Variants in GRIK2 observed in about 807,000 individuals in gnomAD.
The protein encoded by GRIK2 is glutamate ionotropic receptor kainate type subunit 2.
In GRIK2, 32 loss-of-function variants were observed where a neutral mutation model predicts 100.3. That is an observed-to-expected ratio of 0.32 (90% CI 0.24 to 0.43). The LOEUF (loss-of-function observed/expected upper bound fraction) is 0.43, where lower values mean the gene tolerates loss of function less well. GRIK2 is among the 20% of genes least tolerant of loss of function. The pLI is 1.00. For missense variants in GRIK2, 843 were observed against 1,114.9 expected, an observed-to-expected ratio of 0.76 and a Z score of 3.47; for synonymous variants, 417 against 389.4, an observed-to-expected ratio of 1.07 and a Z score of -0.83.
At chr6:101,482,545 T>C (rs149673451) in intron 2 of GRIK2, among the ~76,000 whole-genome samples, 3 of 152,188 alleles carry the variant, frequency 2.0e-5, no homozygotes, top group South Asian at 2.1e-4. Context: ...GGATTGGAGA[T>C]AGGATGCAGC....
chr6:101,962,920 T>G (rs1792394556), intron 14 of GRIK2, among the ~76,000 whole-genome samples: 1 of 151,952 alleles, frequency 6.6e-6, no homozygotes, highest in Non-Finnish European at 1.5e-5. Flanking sequence ...TATCTTTATT[T>G]TTAACCTTCC....
intron 2 of GRIK2, among the ~76,000 whole-genome samples, chr6:101,554,671 A>G (rs1473394298): frequency 6.6e-6 from 1 of 152,086 alleles, no homozygotes; most frequent in Admixed American, 6.6e-5. Context: ...TTATGACACT[A>G]TTCTCCACTA....
At chr6:101,424,266 C>A (rs1000496816) in intron 2 of GRIK2, among the ~76,000 whole-genome samples, 1 of 151,412 alleles carries the variant, frequency 6.6e-6, no homozygotes, top group Non-Finnish European at 1.5e-5. Context: ...TGTGCTGCAC[C>A]CAGTAACTCT....
intron 11 of GRIK2, among the ~76,000 whole-genome samples, chr6:101,868,091 G>A (rs1785166903): frequency 6.6e-6 from 1 of 150,596 alleles, no homozygotes; most frequent in South Asian, 2.1e-4. Context: ...GGAGACTTCT[G>A]GACACTCCTA....
At chr6:101,971,565 T>C (rs149481425) in intron 14 of GRIK2, among the ~76,000 whole-genome samples, 3 of 152,186 alleles carry the variant, frequency 2.0e-5, no homozygotes, top group African/African-American at 7.2e-5. Context: ...ATTTTTATAA[T>C]TGCAACTTTT....
chr6:101,463,900 G>A (rs1423662242), intron 2 of GRIK2, among the ~76,000 whole-genome samples: 2 of 152,036 alleles, frequency 1.3e-5, no homozygotes, highest in East Asian at 3.9e-4. Flanking sequence ...TGGATTAAAG[G>A]ATGCAAAGTA....
chr6:101,484,568 C>T (rs1169135702), intron 2 of GRIK2, among the ~76,000 whole-genome samples: 2 of 148,110 alleles, frequency 1.4e-5, no homozygotes, highest in African/African-American at 2.5e-5. Context: ...CACACACACA[C>T]ATATATATGG....
intron 7 of GRIK2, among the ~76,000 whole-genome samples, chr6:101,797,660 G>T (rs150555096): frequency 0.042 from 5,080 of 119,652 alleles, 147 homozygotes; most frequent in South Asian, 0.19. Flanking sequence ...ATATTATGCT[G>T]TATTTCCATA....
intron 7 of GRIK2, among the ~76,000 whole-genome samples, chr6:101,795,964 T>G (rs866377328): frequency 5.9e-5 from 9 of 152,370 alleles, no homozygotes; most frequent in Middle Eastern, 3.4e-3. Context: ...ATTTTCATTA[T>G]GTATTTATGA....
At chr6:102,065,728 A>G in intron 16 of GRIK2, 2 of 913,826 alleles carry the variant, frequency 2.2e-6, no homozygotes, top group Non-Finnish European at 3.3e-6. Context: ...ACAATTTTAA[A>G]TGTCAACGGG....
At chr6:102,018,842 A>T (rs1006078703) in intron 14 of GRIK2, among the ~76,000 whole-genome samples, 1 of 152,098 alleles carries the variant, frequency 6.6e-6, no homozygotes, top group Non-Finnish European at 1.5e-5. Flanking sequence ...TGTTGCTAGG[A>T]AAGACCAATT....
chr6:101,563,942 T>C (rs1777141100), intron 2 of GRIK2, among the ~76,000 whole-genome samples: 1 of 152,154 alleles, frequency 6.6e-6, no homozygotes, highest in South Asian at 2.1e-4. Context: ...AAAAATTTAA[T>C]AGAAGAGATG....
chr6:101,846,987 T>C (rs1162963589), intron 10 of GRIK2, among the ~76,000 whole-genome samples: 2 of 151,774 alleles, frequency 1.3e-5, no homozygotes, highest in Non-Finnish European at 2.9e-5. Flanking sequence ...TTTTTTTCTG[T>C]TCTCTCTTTT....
At chr6:101,820,372 A>G (rs967560242) in intron 10 of GRIK2, among the ~76,000 whole-genome samples, 4 of 152,096 alleles carry the variant, frequency 2.6e-5, no homozygotes, top group Non-Finnish European at 2.9e-5. Context: ...CCTTTCTATC[A>G]TCTTCCTGAT....
chr6:101,983,083 A>G (rs1030343258), intron 14 of GRIK2, among the ~76,000 whole-genome samples: 6 of 151,978 alleles, frequency 3.9e-5, no homozygotes, highest in Non-Finnish European at 8.8e-5. Flanking sequence ...CATTTGGACA[A>G]TAAATGGCCA....
intron 14 of GRIK2, among the ~76,000 whole-genome samples, chr6:101,932,763 T>C (rs1015641434): frequency 1.3e-5 from 2 of 151,922 alleles, no homozygotes; most frequent in African/African-American, 4.8e-5. Context: ...TTGTGTTAAT[T>C]ATTAATTGCC....
At chr6:101,685,326 T>C (rs1269292914) in intron 6 of GRIK2, among the ~76,000 whole-genome samples, 3 of 152,154 alleles carry the variant, frequency 2.0e-5, no homozygotes, top group African/African-American at 7.2e-5. Flanking sequence ...ATTGTATTCT[T>C]ATTATCTAGC....
chr6:102,044,715 C>A (rs1260523471), intron 15 of GRIK2, among the ~76,000 whole-genome samples: 1 of 151,962 alleles, frequency 6.6e-6, no homozygotes, highest in Non-Finnish European at 1.5e-5. Flanking sequence ...CAAACCATAT[C>A]ATTTCCTTTC....
intron 2 of GRIK2, among the ~76,000 whole-genome samples, chr6:101,497,319 TAACTTTCC>T (rs1773499568): frequency 6.6e-6 from 1 of 152,204 alleles, no homozygotes; most frequent in Admixed American, 6.6e-5. Context: ...GGATAATGTC[TAACTTTCC>T]AACTTTCTGT....
Sources: gnomAD v4.1 joint callset for allele counts (sites outside exome capture counted in the v4.1 genomes callset) on GRCh38, gnomAD v4.1.1 for gene constraint, MANE v1.5 for transcripts, NCBI Gene and HGNC (gene_info 2026-07-23, HGNC 2026-07-21) for gene names.